DCDC2: variants seen among roughly 807,000 people sequenced by gnomAD.
The protein encoded by DCDC2 is doublecortin domain containing 2.
DCDC2 carries 40 observed loss-of-function variants against 50.2 expected under a neutral mutation model. That is an observed-to-expected ratio of 0.80 (90% CI 0.62 to 1.04). DCDC2 has a LOEUF of 1.04. DCDC2 is among the 50% of genes least tolerant of loss of function. DCDC2 has a pLI of 0.00. For synonymous variants in DCDC2, 234 were observed against 210.6 expected (o/e 1.11, Z -0.96); for missense variants, 570 against 581.9 (o/e 0.98, Z 0.21).
intron 7 of DCDC2, among the ~76,000 whole-genome samples, chr6:24,226,525 T>C (rs1264856312): frequency 1.3e-5 from 2 of 152,220 alleles, no homozygotes; most frequent in African/African-American, 4.8e-5. Flanking sequence ...GGCTCCACTC[T>C]TGTCAACAAG....
chr6:24,327,451 AACTTATTTATTT>A (rs1183280614), intron 2 of DCDC2, among the ~76,000 whole-genome samples: 4 of 83,746 alleles, frequency 4.8e-5, no homozygotes, highest in African/African-American at 7.4e-5. Flanking sequence ...CAACATTATA[AACTTATTTATTT>A]ATTTATTTAT....
At chr6:24,260,715 G>A (rs951184586) in intron 7 of DCDC2, among the ~76,000 whole-genome samples, 1 of 152,154 alleles carries the variant, frequency 6.6e-6, no homozygotes, top group Non-Finnish European at 1.5e-5. Context: ...AATTAGGTCT[G>A]GAACTCTGTT....
chr6:24,176,988 T>C (rs1260662294), intron 9 of DCDC2, among the ~76,000 whole-genome samples: 1 of 152,228 alleles, frequency 6.6e-6, no homozygotes, highest in Non-Finnish European at 1.5e-5. Flanking sequence ...AGGCAATCCA[T>C]TCATTTCTGT....
intron 7 of DCDC2, among the ~76,000 whole-genome samples, chr6:24,265,996 A>T (rs1257695392): frequency 2.0e-5 from 3 of 152,158 alleles, no homozygotes; most frequent in Non-Finnish European, 4.4e-5. Context: ...AGACTAATAA[A>T]AAAAGACCAA....
At chr6:24,330,763 A>T (rs1172362658) in intron 2 of DCDC2, among the ~76,000 whole-genome samples, 1 of 152,220 alleles carries the variant, frequency 6.6e-6, no homozygotes, top group Non-Finnish European at 1.5e-5. Context: ...ATGATGTTTG[A>T]AACTGAAATT....
At chr6:24,248,513 G>C (rs1464494161) in intron 7 of DCDC2, among the ~76,000 whole-genome samples, 2 of 152,118 alleles carry the variant, frequency 1.3e-5, no homozygotes, top group African/African-American at 4.8e-5. Flanking sequence ...AGTATTGGTA[G>C]TATTAGTATT....
In DCDC2 at chr6:24,261,753, C is replaced by T. The variant is rs758350404; in HGVS notation, c.922+16296G>A. Among the ~76,000 whole-genome samples, 3 of 152,238 alleles carry T rather than the reference C, an allele frequency of 2.0e-5. No homozygotes were observed. In the South Asian group the frequency reaches 6.2e-4, roughly 32 times the overall value. On this transcript the variant is annotated intron_variant, in intron 7 of 9. Transcript: ENST00000378454. ...TTGCACCCAAGTCCTTTTCTCAGCT[C>T]GTCATCTACTAAGCATAGCTTTTGG... is the stretch of plus-strand genomic sequence containing the variant.
rs184297776 is a variant in DCDC2, at chr6:24,302,489, C to T, written c.349-445G>A. ...CACCTGCTTTCTGATCCTTGGCCCCCACCAAGTGCCTGACCCCACCCTTTT... is the reference window on the plus strand; with the variant it reads ...CACCTGCTTTCTGATCCTTGGCCCCTACCAAGTGCCTGACCCCACCCTTTT... On this transcript the variant is annotated intron_variant, in intron 2 of 9. Transcript: ENST00000378454. 3.7e-4 allele frequency among the ~76,000 whole-genome samples: 57 copies of T among 152,204 alleles called. 1 individual carries two copies. The East Asian group carries it at 0.01, about 27-fold the overall frequency.
At chr6:24,179,779 C>A (rs954763303) in intron 8 of DCDC2, among the ~76,000 whole-genome samples, 1 of 150,040 alleles carries the variant, frequency 6.7e-6, no homozygotes, top group South Asian at 2.1e-4. Context: ...ACGGTGAAAC[C>A]CCATCTCTAC....
chr6:24,360,086 C>A (rs1760639585), upstream of DCDC2, among the ~76,000 whole-genome samples: 1 of 152,208 alleles, frequency 6.6e-6, no homozygotes, highest in Non-Finnish European at 1.5e-5. Flanking sequence ...CGCTGTTCCT[C>A]CAGCTGCTGT....
At chr6:24,193,640 G>A (rs1761357858) in intron 8 of DCDC2, among the ~76,000 whole-genome samples, 1 of 151,952 alleles carries the variant, frequency 6.6e-6, no homozygotes, top group Non-Finnish European at 1.5e-5. Context: ...ACACCTAAAT[G>A]GTTCAACTAA....
chr6:24,305,931 G>C (rs930032846), intron 2 of DCDC2, among the ~76,000 whole-genome samples: 5 of 152,100 alleles, frequency 3.3e-5, no homozygotes, highest in African/African-American at 1.2e-4. Flanking sequence ...TGGAAGCTGA[G>C]GGATGAGAAT....
chr6:24,234,703 T>C (rs1762408068), intron 7 of DCDC2, among the ~76,000 whole-genome samples: 2 of 152,180 alleles, frequency 1.3e-5, no homozygotes, highest in Non-Finnish European at 2.9e-5. Context: ...CATAAGTAGA[T>C]AATGATATCA....
intron 8 of DCDC2, among the ~76,000 whole-genome samples, chr6:24,189,566 A>G (rs1445810979): frequency 3.3e-5 from 5 of 152,160 alleles, no homozygotes; most frequent in South Asian, 4.1e-4. Context: ...AGTAAATGTG[A>G]TATTTCTTAT....
intron 6 of DCDC2, among the ~76,000 whole-genome samples, chr6:24,279,160 G>C (rs1244884654): frequency 1.3e-5 from 2 of 152,162 alleles, no homozygotes; most frequent in Non-Finnish European, 2.9e-5. Context: ...ACTACATTGG[G>C]GGCTACTGCA....
intron 6 of DCDC2, among the ~76,000 whole-genome samples, chr6:24,285,048 A>G (rs1355834085): frequency 1.3e-5 from 2 of 151,764 alleles, no homozygotes; most frequent in Non-Finnish European, 2.9e-5. Flanking sequence ...CCACACACAC[A>G]TACATGCACA....
upstream of DCDC2, among the ~76,000 whole-genome samples, chr6:24,358,914 A>ATATATTT (rs1461313525): frequency 5.6e-5 from 2 of 35,978 alleles, no homozygotes; most frequent in South Asian, 1.5e-3. Flanking sequence ...ATTATATATT[A>ATATATTT]TATATATTAT....
rs146940726 is a variant in DCDC2 at position 24,293,950 on chromosome 6, T to A, written c.558-2872A>T. Reference sequence around the variant, plus strand: ...GTGACTTTGGGGTAAATAATAAAATTAAGGCAGAAATCAAGAAGTTCTTTG... The same window carrying A: ...GTGACTTTGGGGTAAATAATAAAATAAAGGCAGAAATCAAGAAGTTCTTTG... On this transcript the variant is annotated intron_variant, in intron 4 of 9. Coordinates refer to ENST00000378454, the MANE Select transcript of DCDC2 (RefSeq NM_016356.5). Among the ~76,000 whole-genome samples, 930 of 152,316 alleles carry A rather than the reference T, an allele frequency of 6.1e-3. 8 individuals carry two copies. The highest frequency in any genetic ancestry group is 0.016 in the African/African-American group (683 of 41,572).
intron 1 of DCDC2, 87 bp from the exon 2 acceptor site, chr6:24,353,710 C>G (rs762108317): frequency 9.8e-6 from 8 of 819,874 alleles, no homozygotes; most frequent in Non-Finnish European, 1.5e-5. Flanking sequence ...AAAAATAAAG[C>G]AACTCATAGG....
Sources: gnomAD v4.1 joint callset for allele counts (sites outside exome capture counted in the v4.1 genomes callset) on GRCh38, gnomAD v4.1.1 for gene constraint, MANE v1.5 for transcripts, NCBI Gene and HGNC (gene_info 2026-07-23, HGNC 2026-07-21) for gene names.